The following GABRA2 variants were observed in gnomAD, a reference collection of about 807,000 sequenced individuals.
GABRA2 encodes gamma-aminobutyric acid receptor subunit alpha-2.
A neutral mutation model predicts 48.7 loss-of-function variants in GABRA2; 16 were observed. The observed-to-expected ratio is 0.33, with a 90% CI of 0.22 to 0.50. GABRA2 has a LOEUF of 0.50. GABRA2 is among the 20% of genes least tolerant of loss of function. The pLI is 0.98. For missense variants in GABRA2, 275 were observed against 535.6 expected (o/e 0.51, Z 4.80); for synonymous variants, 185 against 184.5 (o/e 1.00, Z -0.02).
rs149156736 is a variant in GABRA2 at position 46,322,848 on chromosome 4, T to C, written c.255+9767A>G. Among the ~76,000 whole-genome samples the C allele has an allele frequency of 9.2e-5, 14 of 152,096 alleles. No homozygotes were observed. In the East Asian group the frequency reaches 2.5e-3, roughly 27 times the overall value. ...ATGGCAGAAAAGCTCTCAGATGTCT[T>C]ATGGCAGCAATCTGCAAACAATACC... On this transcript the variant is annotated intron_variant, in intron 4 of 9. Coordinates refer to ENST00000381620, the MANE Select transcript of GABRA2 (RefSeq NM_000807.4).
chr4:46,330,914 T>C (rs1307580758), intron 4 of GABRA2, among the ~76,000 whole-genome samples: 2 of 152,190 alleles, frequency 1.3e-5, no homozygotes, highest in Non-Finnish European at 1.5e-5. Flanking sequence ...TTTGGGAACA[T>C]TTAAGACAAG....
Position 46,292,844 on chromosome 4 carries a change from TGTGAGG to T in GABRA2, c.856+10610_856+10615del, listed in dbSNP as rs557981366. ...TGACCAATGCTTTGCAAAATAGATTTGTGAGGGCAGCACCTCCATCTTTGAAGAGCC... is the reference window on the plus strand; with the variant it reads ...TGACCAATGCTTTGCAAAATAGATTTGCAGCACCTCCATCTTTGAAGAGCC... On this transcript the variant is annotated intron_variant, in intron 8 of 9. Transcript: ENST00000381620. Among the ~76,000 whole-genome samples the T allele has an allele frequency of 1.5e-3, 234 of 152,302 alleles. 3 individuals carry two copies. In the South Asian group the frequency reaches 0.019, roughly 12 times the overall value.
At chr4:46,289,604 G>C (rs1458950899) in intron 8 of GABRA2, among the ~76,000 whole-genome samples, 1 of 152,148 alleles carries the variant, frequency 6.6e-6, no homozygotes, top group Non-Finnish European at 1.5e-5. Context: ...ATAGGTACTA[G>C]GCTTAATGCC....
intron 8 of GABRA2, among the ~76,000 whole-genome samples, chr4:46,293,625 A>G (rs2109553725): frequency 6.6e-6 from 1 of 152,338 alleles, no homozygotes; most frequent in South Asian, 2.1e-4. Context: ...ATTGGCACAG[A>G]CATACTTTGC....
chr4:46,333,404 G>T (rs1731699969), intron 3 of GABRA2, among the ~76,000 whole-genome samples: 1 of 151,882 alleles, frequency 6.6e-6, no homozygotes, highest in Non-Finnish European at 1.5e-5. Flanking sequence ...AATAGTGATG[G>T]GGAAAAGGTC....
intron 3 of GABRA2, among the ~76,000 whole-genome samples, chr4:46,344,098 T>C (rs1235067185): frequency 6.6e-6 from 1 of 151,888 alleles, no homozygotes; most frequent in African/African-American, 2.4e-5. Flanking sequence ...ATATACCTAA[T>C]ATTGGAATAC....
At chr4:46,369,356 A>C (rs571704902) in intron 3 of GABRA2, among the ~76,000 whole-genome samples, 147 of 152,268 alleles carry the variant, frequency 9.7e-4, no homozygotes, top group African/African-American at 2.9e-3. Context: ...CAAATGTTTC[A>C]AGTTAATTAT....
chr4:46,250,243 T>C lies in GABRA2; in HGVS notation c.*65A>G. On this transcript the variant is annotated 3_prime_UTR_variant, in exon 10 of 10. Transcript: ENST00000381620. ...ACAAATTAGCAGTTATTAGTCAGACTGTACATAGCAAAACAAACCAAATTT... is the reference window on the plus strand; with the variant it reads ...ACAAATTAGCAGTTATTAGTCAGACCGTACATAGCAAAACAAACCAAATTT... 1 of 1,343,088 alleles carries C rather than the reference T, an allele frequency of 7.4e-7. No individual in the cohort carries two copies. Among genetic ancestry groups the C allele is most frequent in the South Asian group, 1.3e-5 (1 of 74,580 alleles). 83.2% of individuals were successfully genotyped at this position (1,343,088 alleles called of 1,614,324 possible). A position where few individuals can be genotyped will look rare whatever the true frequency, so the allele number is the denominator to read the frequency against.
At chr4:46,354,077 T>C (rs549089755) in intron 3 of GABRA2, among the ~76,000 whole-genome samples, 2 of 152,334 alleles carry the variant, frequency 1.3e-5, no homozygotes, top group East Asian at 3.9e-4. Flanking sequence ...TACCTGCCAG[T>C]GCTTTGCTAA....
At chr4:46,366,818 T>C (rs767526525) in intron 3 of GABRA2, 5 of 152,130 alleles carry the variant, frequency 3.3e-5, no homozygotes, top group Non-Finnish European at 5.9e-5. Context: ...CTAACAATAG[T>C]TTTGCAAAAT....
At position 46,249,042 on chromosome 4, in the gene GABRA2, G is replaced by GTGTGTGTA. The variant is rs1258750001; in HGVS notation, c.*1265_*1266insTACACACA. 1 of 150,608 alleles carries GTGTGTGTA rather than the reference G, an allele frequency of 6.6e-6. No individual in the cohort carries two copies. Among genetic ancestry groups the GTGTGTGTA allele is most frequent in the African/African-American group, 2.4e-5 (1 of 41,126 alleles). The allele number at this position is 150,608 out of a possible 1,614,324, so 9.3% of individuals were successfully genotyped here. On this transcript the variant is annotated 3_prime_UTR_variant, in exon 10 of 10. Transcript: ENST00000381620. ...TTCTAATTTAGCTGTGTATGTGTGT[G>GTGTGTGTA]TGTGTGTGTGTGTGTGTGTATGTTT...
chr4:46,297,160 G>A (rs531788895), intron 8 of GABRA2, among the ~76,000 whole-genome samples: 16 of 152,206 alleles, frequency 1.1e-4, no homozygotes, highest in African/African-American at 3.6e-4. Flanking sequence ...GTGTCCGTTA[G>A]GGTGTTGCCA....
chr4:46,294,462 C>A (rs902351079), intron 8 of GABRA2, among the ~76,000 whole-genome samples: 4 of 152,304 alleles, frequency 2.6e-5, no homozygotes, highest in African/African-American at 9.6e-5. Flanking sequence ...ACAACACATT[C>A]CTCATTTAGG....
rs563291879 is a variant in GABRA2, at chr4:46,294,392, G to T, written c.856+9068C>A. On this transcript the variant is annotated intron_variant, in intron 8 of 9. Transcript: ENST00000381620. The stretch of plus-strand genomic sequence containing the variant: ...AGGTGAAGGACAAGTTGCTGCATTT[G>T]GCCCCTCCTACAACCAAGAAAGAGG... Among the ~76,000 whole-genome samples, 16 of 152,266 alleles carry T rather than the reference G, an allele frequency of 1.1e-4. No individual in the cohort carries two copies. The South Asian group carries it at 2.9e-3, about 28-fold the overall frequency.
At chr4:46,309,343 T>C (rs1401806508) in intron 6 of GABRA2, among the ~76,000 whole-genome samples, 1 of 152,068 alleles carries the variant, frequency 6.6e-6, no homozygotes, top group Admixed American at 6.6e-5. Context: ...GAGTACTGTA[T>C]TTCTATTCAA....
chr4:46,273,468 C>CATATAT (rs10686717), intron 8 of GABRA2, among the ~76,000 whole-genome samples: 32 of 43,068 alleles, frequency 7.4e-4, no homozygotes, highest in African/African-American at 3.2e-3. Context: ...CCATTCATTG[C>CATATAT]ATATATATAT....
intron 3 of GABRA2, among the ~76,000 whole-genome samples, chr4:46,358,205 T>C (rs1736313959): frequency 6.6e-6 from 1 of 152,150 alleles, no homozygotes; most frequent in African/African-American, 2.4e-5. Context: ...GCAGTTTTTT[T>C]CTCTGTGATT....
rs899773878 is a variant in GABRA2, at chr4:46,295,850, C to T, written c.856+7610G>A. Among the ~76,000 whole-genome samples the T allele has an allele frequency of 5.3e-5, 8 of 152,304 alleles. No homozygotes were observed. The South Asian group carries it at 6.2e-4, about 12-fold the overall frequency. On this transcript the variant is annotated intron_variant, in intron 8 of 9. Coordinates refer to ENST00000381620, the MANE Select transcript of GABRA2 (RefSeq NM_000807.4). The stretch of plus-strand genomic sequence containing the variant: ...CGGATATGGGTTTGCCTATCCTGCA[C>T]GCAATGCTTCTGCCAAGACTATCAT...
intron 3 of GABRA2, chr4:46,366,440 C>T (rs773573387): frequency 6.6e-6 from 1 of 152,114 alleles, no homozygotes; most frequent in South Asian, 2.1e-4. Flanking sequence ...CCAAAGCATA[C>T]ATATACTCAT....
Sources: gnomAD v4.1 joint callset for allele counts (sites outside exome capture counted in the v4.1 genomes callset) on GRCh38, gnomAD v4.1.1 for gene constraint, MANE v1.5 for transcripts, NCBI Gene and HGNC (gene_info 2026-07-23, HGNC 2026-07-21) for gene names.